TXNDC16: variants seen among roughly 807,000 people sequenced by gnomAD.
TXNDC16 encodes thioredoxin domain-containing protein 16.
In TXNDC16, 74 loss-of-function variants were observed where a neutral mutation model predicts 85.6. The ratio of observed to expected loss-of-function variants is 0.86; its 90% CI spans 0.72 to 1.05. The LOEUF is 1.05. TXNDC16 is among the 50% of genes least tolerant of loss of function. The probability of loss-of-function intolerance (pLI) is 0.00; values close to 1 mark genes in which losing one functional copy is unlikely to be tolerated. For synonymous variants in TXNDC16, 335 were observed against 326.5 expected (o/e 1.03, Z -0.28); for missense variants, 959 against 947.0 (o/e 1.01, Z -0.17).
chr14:52,532,257 T>C (rs1423258018), intron 6 of TXNDC16, among the ~76,000 whole-genome samples: 1 of 152,064 alleles, frequency 6.6e-6, no homozygotes, highest in African/African-American at 2.4e-5. Context: ...TCCCAGTTAT[T>C]CCAGAGGCTG....
At chr14:52,546,115 C>T (rs2037936210) in intron 1 of TXNDC16, among the ~76,000 whole-genome samples, 3 of 151,862 alleles carry the variant, frequency 2.0e-5, no homozygotes, top group Admixed American at 2.0e-4. Context: ...GAGACCCTGT[C>T]TCTATAAAAA....
At chr14:52,516,208 G>A (rs2037079354) in intron 7 of TXNDC16, among the ~76,000 whole-genome samples, 1 of 152,088 alleles carries the variant, frequency 6.6e-6, no homozygotes, top group Non-Finnish European at 1.5e-5. Context: ...CTTTTTGCCT[G>A]TTATCCAATA....
chr14:52,456,684 T>C (rs2035540775), intron 17 of TXNDC16, among the ~76,000 whole-genome samples: 1 of 152,154 alleles, frequency 6.6e-6, no homozygotes, highest in Non-Finnish European at 1.5e-5. Context: ...GATAAGGTAA[T>C]TTAAGAAGCT....
chr14:52,452,047 A>T (rs1479671069), intron 18 of TXNDC16, among the ~76,000 whole-genome samples: 1 of 152,188 alleles, frequency 6.6e-6, no homozygotes, highest in African/African-American at 2.4e-5. Context: ...AACAGTGAAC[A>T]ATCTGAAAAA....
chr14:52,499,711 G>A (rs1232144569), intron 9 of TXNDC16, among the ~76,000 whole-genome samples: 1 of 151,918 alleles, frequency 6.6e-6, no homozygotes, highest in Non-Finnish European at 1.5e-5. Flanking sequence ...AATGGTGCAG[G>A]CACTATGAAA....
intron 9 of TXNDC16, among the ~76,000 whole-genome samples, chr14:52,497,998 C>T (rs933603289): frequency 2.0e-5 from 3 of 151,448 alleles, no homozygotes; most frequent in Admixed American, 6.6e-5. Context: ...CACACAGAAA[C>T]TAATTAATGT....
intron 6 of TXNDC16, among the ~76,000 whole-genome samples, chr14:52,531,797 T>G (rs2037587464): frequency 6.6e-6 from 1 of 152,192 alleles, no homozygotes; most frequent in Non-Finnish European, 1.5e-5. Context: ...ATGTAAACTA[T>G]GTACTTTAGT....
intron 6 of TXNDC16, among the ~76,000 whole-genome samples, chr14:52,531,577 A>G (rs2037581388): frequency 6.6e-6 from 1 of 152,200 alleles, no homozygotes; most frequent in South Asian, 2.1e-4. Flanking sequence ...GCTACATGCT[A>G]TATGATTCCA....
intron 5 of TXNDC16, among the ~76,000 whole-genome samples, 180 bp downstream of exon 5, chr14:52,537,419 A>G (rs1594764169): frequency 6.6e-6 from 1 of 152,170 alleles, no homozygotes; most frequent in Non-Finnish European, 1.5e-5. Context: ...TCTGTTTTAT[A>G]AATAAGGAAG....
intron 4 of TXNDC16, among the ~76,000 whole-genome samples, chr14:52,541,585 G>A (rs1186065024): frequency 2.0e-5 from 3 of 152,116 alleles, no homozygotes; most frequent in Non-Finnish European, 2.9e-5. Context: ...ATGTTTCTAT[G>A]CTGTCTGCTC....
chr14:52,488,324 G>A, intron 12 of TXNDC16, 39 bp downstream of exon 12: 7 of 1,607,058 alleles, frequency 4.4e-6, no homozygotes, highest in Non-Finnish European at 6.0e-6. Flanking sequence ...TATGGGTGCT[G>A]GGCAGGATGG....
chr14:52,488,113 G>A (rs1361828754), intron 12 of TXNDC16, among the ~76,000 whole-genome samples: 1 of 152,148 alleles, frequency 6.6e-6, no homozygotes, highest in East Asian at 1.9e-4. Context: ...GGAAGATGAA[G>A]GCACAGATGT....
Position 52,432,298 on chromosome 14 carries a change from A to G in TXNDC16, c.*6T>C. 2 of 1,595,568 alleles carry G rather than the reference A, an allele frequency of 1.3e-6. No individual in the cohort carries two copies. Among genetic ancestry groups the G allele is most frequent in the Non-Finnish European group, 1.7e-6 (2 of 1,171,350 alleles). Reference sequence around the variant, plus strand: ...AAAAAATTTTGGAAACCACAGCCCTATAAAATTAGTTCACTTTTGAGCATC... The same window carrying G: ...AAAAAATTTTGGAAACCACAGCCCTGTAAAATTAGTTCACTTTTGAGCATC... On this transcript the variant is annotated 3_prime_UTR_variant, in exon 21 of 21. Coordinates refer to ENST00000281741, the MANE Select transcript of TXNDC16 (RefSeq NM_020784.3).
intron 5 of TXNDC16, among the ~76,000 whole-genome samples, chr14:52,537,070 TCACACACACACACACA>T (rs58583503): frequency 1.4e-5 from 2 of 147,242 alleles, no homozygotes; most frequent in Non-Finnish European, 3.0e-5. Flanking sequence ...CAACTCACAA[TCACACACACACACACA>T]CACACACACA....
At chr14:52,488,571 C>A (rs1463005587) in intron 11 of TXNDC16, 85 bp from the exon 12 acceptor site, 7 of 1,141,928 alleles carry the variant, frequency 6.1e-6, no homozygotes, top group Non-Finnish European at 7.3e-6. Context: ...TGTGGTGGCT[C>A]ACACCTGTAA....
chr14:52,514,886 C>T lies in TXNDC16; in HGVS notation c.599G>A (p.Ser200Asn), dbSNP rs997101966. 3.7e-6 allele frequency: 6 copies of T among 1,608,718 alleles called. No homozygotes were observed. The highest frequency in any genetic ancestry group is 1.3e-5 in the African/African-American group (1 of 74,620). ...ATATGCTTTTTATACATACCCAATA[C>T]TTTCCAAAAGGGCAATTTCTGTGGT... is the stretch of plus-strand genomic sequence containing the variant. ...VLTTEIALLE[S>N]IGSEDVEYAH... The change falls in exon 8 of 21, where the codon AGT becomes AAT. Residue 200 changes from serine to asparagine, a missense_variant. Physicochemically the swap from Ser to Asn is conservative, Grantham distance 46. Transcript: ENST00000281741.
intron 14 of TXNDC16, among the ~76,000 whole-genome samples, chr14:52,474,594 G>A (rs955461762): frequency 1.3e-5 from 2 of 152,138 alleles, no homozygotes; most frequent in African/African-American, 4.8e-5. Context: ...GCCAAGCACG[G>A]TGGTGCACAC....
intron 6 of TXNDC16, among the ~76,000 whole-genome samples, chr14:52,529,820 A>G (rs1406083684): frequency 1.8e-5 from 2 of 113,566 alleles, no homozygotes; most frequent in Non-Finnish European, 3.2e-5. Context: ...CCTATTATAT[A>G]TTATGTATTA....
intron 8 of TXNDC16, among the ~76,000 whole-genome samples, chr14:52,512,101 T>G (rs1392536532): frequency 6.6e-6 from 1 of 152,178 alleles, no homozygotes; most frequent in Admixed American, 6.5e-5. Context: ...TGAGACATAT[T>G]TAAACTGAGC....
Sources: gnomAD v4.1 joint callset for allele counts (sites outside exome capture counted in the v4.1 genomes callset) on GRCh38, gnomAD v4.1.1 for gene constraint, MANE v1.5 for transcripts, NCBI Gene and HGNC (gene_info 2026-07-23, HGNC 2026-07-21) for gene names.